The following MAMSTR variants were observed in gnomAD, a reference collection of about 807,000 sequenced individuals.
MAMSTR encodes the protein MEF2 activating motif and SAP domain containing transcriptional regulator, also known as MEF2-activating motif and SAP domain-containing transcriptional regulator.
MAMSTR carries 41 observed loss-of-function variants against 42.7 expected under a neutral mutation model. The ratio of observed to expected loss-of-function variants is 0.96; its 90% CI spans 0.75 to 1.25. The LOEUF (loss-of-function observed/expected upper bound fraction) is 1.25, where lower values mean the gene tolerates loss of function less well. Ranked by LOEUF, MAMSTR falls within the 50% of genes most tolerant of loss-of-function variation. MAMSTR has a pLI of 0.00. For missense variants in MAMSTR, 567 were observed against 557.6 expected, an observed-to-expected ratio of 1.02 and a Z score of -0.17; for synonymous variants, 265 against 244.1, an observed-to-expected ratio of 1.09 and a Z score of -0.80.
In MAMSTR at chr19:48,715,425, G is replaced by T; in HGVS notation, c.262C>A (p.Arg88Ser). 6.7e-7 allele frequency: 1 copy of T among 1,503,478 alleles called. No homozygotes were observed. The highest frequency in any genetic ancestry group is 1.3e-5 in the South Asian group (1 of 76,050). The allele number at this position is 1,503,478 out of a possible 1,614,324, so 93.1% of individuals were successfully genotyped here. A position where few individuals can be genotyped will look rare whatever the true frequency, so the allele number is the denominator to read the frequency against. Residue 88 changes from arginine (R) to serine (S), a missense_variant, in exon 5 of 10, where the codon CGT (arginine) becomes AGT (serine). Physicochemically the swap from Arg to Ser is moderately radical, Grantham distance 110. Coordinates refer to ENST00000318083, the MANE Select transcript of MAMSTR (RefSeq NM_001130915.2). The part of the protein sequence containing the change: ...PKKESPKISQ[R>S]WRESKPRGNL... ...CCCCTGGGCTTGGACTCCCTCCAAC[G>T]TTGGGAGATCTTGGGAGACTCCTGA...
chr19:48,715,429 G>A lies in MAMSTR; in HGVS notation c.258C>T (p.Ser86=), dbSNP rs1165323711. The A allele has an allele frequency of 1.6e-5, 24 of 1,495,318 alleles. No homozygotes were observed. The highest frequency in any genetic ancestry group is 2.0e-5 in the Non-Finnish European group (23 of 1,127,550). The allele number at this position is 1,495,318 out of a possible 1,614,324, so 92.6% of individuals were successfully genotyped here. Residue 86 remains serine (S), a synonymous_variant, in exon 5 of 10, where the codon TCC becomes TCT. Coordinates refer to ENST00000318083, the MANE Select transcript of MAMSTR (RefSeq NM_001130915.2). ...RSPKKESPKI[S]QRWRESKPRG... is the part of the protein sequence containing the mutation. ...TGGGCTTGGACTCCCTCCAACGTTG[G>A]GAGATCTTGGGAGACTCCTGAAAGA...
downstream of MAMSTR, among the ~76,000 whole-genome samples, chr19:48,710,657 C>T (rs1342881893): frequency 1.3e-4 from 19 of 146,774 alleles, no homozygotes; most frequent in African/African-American, 2.8e-4. Context: ...AGTGCAGTGG[C>T]GCGATCTTGG....
intron 2 of MAMSTR, chr19:48,717,062 C>T (rs1294786401): frequency 5.3e-6 from 5 of 943,446 alleles, no homozygotes; most frequent in Non-Finnish European, 5.2e-6. Context: ...CCTGCGCAAT[C>T]GCTATCTTGG....
downstream of MAMSTR, among the ~76,000 whole-genome samples, chr19:48,712,153 A>G (rs1473263850): frequency 2.6e-5 from 4 of 152,066 alleles, no homozygotes; most frequent in Non-Finnish European, 5.9e-5. Flanking sequence ...TCAGCTTCCC[A>G]AAGTGCTGGG....
At chr19:48,708,673 G>A (rs758409697), downstream of MAMSTR, among the ~76,000 whole-genome samples, 13 of 152,166 alleles carry the variant, frequency 8.5e-5, no homozygotes, top group African/African-American at 1.2e-4. Flanking sequence ...GCAGTGCAGG[G>A]ACCACGTGCA....
chr19:48,707,089 T>G, the MAMSTR span, among the ~76,000 whole-genome samples: 6 of 151,426 alleles, frequency 4.0e-5, no homozygotes, highest in African/African-American at 1.5e-4. Context: ...AGTCGCAACA[T>G]AGCAAGACAC....
At chr19:48,707,822 AAGAC>A (rs1254660634), downstream of MAMSTR, among the ~76,000 whole-genome samples, 6 of 143,708 alleles carry the variant, frequency 4.2e-5, no homozygotes, top group East Asian at 2.0e-4. Flanking sequence ...GAAAGAAAGA[AAGAC>A]AAAGAAAGAA....
In MAMSTR at chr19:48,715,454, A is replaced by T. The variant is rs781708284; in HGVS notation, c.241-8T>A. 2.7e-6 allele frequency: 4 copies of T among 1,484,174 alleles called. No homozygotes were observed. Among genetic ancestry groups the T allele is most frequent in the African/African-American group, 1.4e-5 (1 of 69,888 alleles). The allele number at this position is 1,484,174 out of a possible 1,614,324, so 91.9% of individuals were successfully genotyped here. ...GGAGATCTTGGGAGACTCCTGAAAG[A>T]GCAGGTGTGATGTTTTAGGCTTCAG... On this transcript the variant is annotated splice_region_variant and splice_polypyrimidine_tract_variant and intron_variant, in intron 4 of 9. Transcript: ENST00000318083.
At chr19:48,709,366 T>C (rs1194236456), downstream of MAMSTR, among the ~76,000 whole-genome samples, 1 of 152,116 alleles carries the variant, frequency 6.6e-6, no homozygotes, top group African/African-American at 2.4e-5. Flanking sequence ...CAGGCTGGTC[T>C]CGAACTCCCA....
chr19:48,713,188 G>A lies in MAMSTR; in HGVS notation c.*79C>T. On this transcript the variant is annotated 3_prime_UTR_variant, in exon 10 of 10. Transcript: ENST00000318083. ...CTGTGTCTGCGGTAGGAGGGGCTCT[G>A]CTGGTAGTTCCCTCTCCTCCCACAA... is the stretch of plus-strand genomic sequence containing the variant. 1 of 1,364,640 alleles carries A rather than the reference G, an allele frequency of 7.3e-7. No individual in the cohort carries two copies. The highest frequency in any genetic ancestry group is 1.5e-5 in the South Asian group (1 of 66,848). The allele number at this position is 1,364,640 out of a possible 1,614,324, so 84.5% of individuals were successfully genotyped here.
downstream of MAMSTR, among the ~76,000 whole-genome samples, chr19:48,707,894 AAGAAAGAAAGG>A: frequency 7.5e-6 from 1 of 132,740 alleles, no homozygotes; most frequent in Admixed American, 7.4e-5. Context: ...AAAGAAAAGA[AAGAAAGAAAGG>A]AAGAAAGAAA....
At chr19:48,707,887 G>GAAA (rs377360249), downstream of MAMSTR, among the ~76,000 whole-genome samples, 1 of 75,282 alleles carries the variant, frequency 1.3e-5, no homozygotes, top group African/African-American at 6.0e-5. Context: ...AAGAAAGAAA[G>GAAA]AAAAGAAAGA....
downstream of MAMSTR, among the ~76,000 whole-genome samples, chr19:48,709,915 G>GCTGGA (rs1345420968): frequency 1.3e-5 from 2 of 152,126 alleles, no homozygotes; most frequent in African/African-American, 4.8e-5. Context: ...TTTCGCCCAG[G>GCTGGA]CTGGAGTGCA....
the MAMSTR span, among the ~76,000 whole-genome samples, chr19:48,707,413 T>TAA: frequency 0.025 from 3,389 of 136,916 alleles, 123 homozygotes; most frequent in African/African-American, 0.084. Context: ...AGACTCCGTC[T>TAA]AAAAAAAAAA....
downstream of MAMSTR, among the ~76,000 whole-genome samples, chr19:48,707,843 G>GAAAGAAAGAA: frequency 1.7e-5 from 1 of 57,736 alleles, no homozygotes. Flanking sequence ...AGAAAGGAAA[G>GAAAGAAAGAA]AAAGAAAGAA....
rs1259156724 is a variant in MAMSTR at position 48,714,813 on chromosome 19, T to A, written c.521A>T (p.Glu174Val). The change falls in exon 6 of 10, where the codon GAG becomes GTG. Residue 174 changes from glutamate (E) to valine (V), a missense_variant. Glu to Val is a moderately radical substitution (Grantham distance 121). Coordinates refer to ENST00000318083, the MANE Select transcript of MAMSTR (RefSeq NM_001130915.2). ...KLELQTLKLE[E>V]LTVSELRQQL... is the part of the protein sequence containing the mutation. ...GTTACACCCCAAACTCACCGTCAGC[T>A]CCTCCAGTTTAAGGGTCTGAAGTTC... The A allele has an allele frequency of 3.7e-6, 6 of 1,606,570 alleles. No homozygotes were observed. The highest frequency in any genetic ancestry group is 5.1e-6 in the Non-Finnish European group (6 of 1,173,460).
rs200882194 is a variant in MAMSTR at position 48,714,599 on chromosome 19, C to T, written c.529-39G>A. The T allele has an allele frequency of 3.4e-6, 5 of 1,453,048 alleles. No individual in the cohort carries two copies. In the East Asian group the frequency reaches 7.2e-5, roughly 21 times the overall value. The allele number at this position is 1,453,048 out of a possible 1,614,324, so 90.0% of individuals were successfully genotyped here. A position where few individuals can be genotyped will look rare whatever the true frequency, so the allele number is the denominator to read the frequency against. ...GGGCGTGGGAAGAGGCAGTGCTGGG[C>T]GGGCTCCCGGGCGCAGGCAGGAGCT... On this transcript the variant is annotated intron_variant, in intron 6 of 9. Coordinates refer to ENST00000318083, the MANE Select transcript of MAMSTR (RefSeq NM_001130915.2).
At chr19:48,716,678 C>T (rs188150257) in intron 3 of MAMSTR, 27 bp downstream of exon 3, 554 of 1,332,346 alleles carry the variant, frequency 4.2e-4, no homozygotes, top group Middle Eastern at 3.1e-3. Flanking sequence ...GGGTCACCAT[C>T]CCCTCCCTTT....
chr19:48,708,589 G>T (rs1156569223), downstream of MAMSTR, among the ~76,000 whole-genome samples: 2 of 152,102 alleles, frequency 1.3e-5, no homozygotes, highest in Admixed American at 1.3e-4. Flanking sequence ...AGTGCAGGAG[G>T]CAAGCCTTTC....
Sources: gnomAD v4.1 joint callset for allele counts (sites outside exome capture counted in the v4.1 genomes callset) on GRCh38, gnomAD v4.1.1 for gene constraint, MANE v1.5 for transcripts, NCBI Gene and HGNC (gene_info 2026-07-23, HGNC 2026-07-21) for gene names.